PCDHGB4: variants seen among roughly 807,000 people sequenced by gnomAD.
PCDHGB4 encodes protocadherin gamma-B4.
PCDHGB4 carries 38 observed loss-of-function variants against 60.5 expected under a neutral mutation model. That is an observed-to-expected ratio of 0.63 (90% CI 0.48 to 0.82). The LOEUF is 0.82. Among genes scored for constraint, PCDHGB4 ranks in the 40% least tolerant of loss-of-function variants. PCDHGB4 has a pLI of 0.00. For missense variants in PCDHGB4, 1,109 were observed against 1,209.6 expected (o/e 0.92, Z 1.23); for synonymous variants, 456 against 509.7 (o/e 0.89, Z 1.42).
chr5:141,415,126 C>T, intron 1 of PCDHGB4: 1 of 1,613,688 alleles, frequency 6.2e-7, no homozygotes, highest in Non-Finnish European at 8.5e-7. Context: ...AGTGGCCGTC[C>T]AGGACCACGG....
intron 1 of PCDHGB4, among the ~76,000 whole-genome samples, chr5:141,438,591 CATATAT>C (rs946798767): frequency 1.2e-3 from 91 of 75,538 alleles, no homozygotes; most frequent in Non-Finnish European, 1.7e-3. Flanking sequence ...TACATACATA[CATATAT>C]ATATATATAT....
Position 141,389,538 on chromosome 5 carries a change from G to A in PCDHGB4, c.1654G>A (p.Asp552Asn), listed in dbSNP as rs772693461. Reference protein sequence around the residue: ...ANVSLRVLVDDRNDNAPRVLY... With the variant: ...ANVSLRVLVDNRNDNAPRVLY... ...CGTGAGCCTGCGCGTGTTAGTGGAC[G>A]ACCGCAACGACAATGCGCCACGGGT... is the stretch of plus-strand genomic sequence containing the variant. The change falls in exon 1 of 4, where the codon GAC becomes AAC. Residue 552 changes from aspartate (D) to asparagine (N), a missense_variant. Coordinates refer to ENST00000519479, the MANE Select transcript of PCDHGB4 (RefSeq NM_003736.4). 6.2e-7 allele frequency: 1 copy of A among 1,613,186 alleles called. No homozygotes were observed. Among genetic ancestry groups the A allele is most frequent in the Admixed American group, 1.7e-5 (1 of 60,010 alleles).
intron 1 of PCDHGB4, among the ~76,000 whole-genome samples, chr5:141,472,980 C>CAAAAAAAAAAAAAA (rs60579131): frequency 5.8e-5 from 5 of 86,102 alleles, no homozygotes; most frequent in Admixed American, 1.2e-4. Context: ...GAGTGAAACT[C>CAAAAAAAAAAAAAA]AAAAAAAAAA....
At chr5:141,457,280 A>G (rs964027392) in intron 1 of PCDHGB4, among the ~76,000 whole-genome samples, 2 of 152,196 alleles carry the variant, frequency 1.3e-5, no homozygotes, top group Admixed American at 1.3e-4. Context: ...TGGGCCTACG[A>G]AGTTCCTTGG....
At position 141,494,925 on chromosome 5, in the gene PCDHGB4, G is replaced by A. The variant is rs936071950; in HGVS notation, c.2456+60G>A. On this transcript the variant is annotated intron_variant, in intron 2 of 3. Coordinates refer to ENST00000519479, the MANE Select transcript of PCDHGB4 (RefSeq NM_003736.4). ...TGCGGCATTTTCTCAGGGATGACGT[G>A]GGAGGAGATGGGGGAGGGCCCAGCA... is the stretch of plus-strand genomic sequence containing the variant. The A allele has an allele frequency of 3.3e-4, 525 of 1,613,316 alleles. 2 individuals carry two copies. Among genetic ancestry groups the A allele is most frequent in the Admixed American group, 4.7e-4 (28 of 59,956 alleles).
Position 141,444,152 on chromosome 5 carries a change from ATTTTTTTTTTTTTTTTT to A in PCDHGB4, c.2398-50635_2398-50619del, listed in dbSNP as rs747671382. Among the ~76,000 whole-genome samples, 167 of 33,906 alleles carry A rather than the reference ATTTTTTTTTTTTTTTTT, an allele frequency of 4.9e-3. 1 individual carries two copies. The highest frequency in any genetic ancestry group is 7.0e-3 in the Non-Finnish European group (136 of 19,318). The allele number at this position is 33,906 out of a possible 152,430, so 22.2% of individuals were successfully genotyped here. A position where few individuals can be genotyped will look rare whatever the true frequency, so the allele number is the denominator to read the frequency against. On this transcript the variant is annotated intron_variant, in intron 1 of 3. Coordinates refer to ENST00000519479, the MANE Select transcript of PCDHGB4 (RefSeq NM_003736.4). ...GATATGTGTCACTTGTGTGTACTGG[ATTTTTTTTTTTTTTTTT>A]TTTTTTTTTTTTTTTTTTTGAGATG...
chr5:141,397,700 G>A (rs2093557870), intron 1 of PCDHGB4, among the ~76,000 whole-genome samples: 2 of 152,224 alleles, frequency 1.3e-5, no homozygotes, highest in Admixed American at 1.3e-4. Flanking sequence ...AAAACCCAAC[G>A]TGATATTTCT....
At chr5:141,393,168 G>T (rs1486915956) in intron 1 of PCDHGB4, 1 of 1,613,100 alleles carries the variant, frequency 6.2e-7, no homozygotes, top group Non-Finnish European at 8.5e-7. Context: ...ACTCTTTGGG[G>T]TAGAAATAGA....
chr5:141,489,458 G>A lies in PCDHGB4; in HGVS notation c.2398-5349G>A, dbSNP rs143138320. 3.5e-5 allele frequency: 56 copies of A among 1,614,042 alleles called. No homozygotes were observed. The highest frequency in any genetic ancestry group is 8.0e-5 in the African/African-American group (6 of 75,052). ...CAATTGGGCTCTGAGGAGAATGGGC[G>A]CTATTTTTCCCTGAGCTTGATGAGT... is the stretch of plus-strand genomic sequence containing the variant. On this transcript the variant is annotated intron_variant, in intron 1 of 3. Transcript: ENST00000519479. This position sits in a 1 kb window ranked among gnomAD's most constrained non-coding sequence, Gnocchi z 4.5.
rs2099417434 is a variant in PCDHGB4, at chr5:141,477,762, C to T, written c.2398-17045C>T. 1 of 1,613,968 alleles carries T rather than the reference C, an allele frequency of 6.2e-7. No homozygotes were observed. The highest frequency in any genetic ancestry group is 8.5e-7 in the Non-Finnish European group (1 of 1,180,032). On this transcript the variant is annotated intron_variant, in intron 1 of 3. Transcript: ENST00000519479. This position sits in a 1 kb window ranked among gnomAD's most constrained non-coding sequence, Gnocchi z 4.9. ...GATGGGGGCACCCCGGTCCTAGCCA[C>T]CAACATCAGCGTGAACATATTTGTC...
chr5:141,448,464 T>C lies in PCDHGB4; in HGVS notation c.2398-46343T>C, dbSNP rs186054602. Among the ~76,000 whole-genome samples the C allele has an allele frequency of 2.6e-3, 402 of 152,296 alleles. 10 individuals are homozygous for C. The highest frequency in any genetic ancestry group is 0.023 in the Admixed American group (357 of 15,282). ...CTGACTTCCATCCCTATCCTACTCCTATTCCACCCTTGCTTCCTCCTGTCC... is the reference window on the plus strand; with the variant it reads ...CTGACTTCCATCCCTATCCTACTCCCATTCCACCCTTGCTTCCTCCTGTCC... On this transcript the variant is annotated intron_variant, in intron 1 of 3. Transcript: ENST00000519479.
At chr5:141,420,061 G>A (rs376044810) in intron 1 of PCDHGB4, 3 of 1,613,958 alleles carry the variant, frequency 1.9e-6, no homozygotes, top group Non-Finnish European at 2.5e-6. Flanking sequence ...TCTGCTCCAA[G>A]TCCGGACCTG....
At chr5:141,478,496 C>G in intron 1 of PCDHGB4, 1 of 1,613,014 alleles carries the variant, frequency 6.2e-7, no homozygotes, top group Non-Finnish European at 8.5e-7. Flanking sequence ...GAGCTGTGAT[C>G]CGGTGTTCTA....
chr5:141,389,390 C>G lies in PCDHGB4; in HGVS notation c.1506C>G (p.Tyr502Ter). The G allele has an allele frequency of 2.5e-6, 4 of 1,613,718 alleles. No homozygotes were observed. Among genetic ancestry groups the G allele is most frequent in the Non-Finnish European group, 3.4e-6 (4 of 1,179,902 alleles). Residue 502 changes from tyrosine to a stop codon, truncating the protein, a stop_gained, in exon 1 of 4, where the codon TAC becomes TAG. Coordinates refer to ENST00000519479, the MANE Select transcript of PCDHGB4 (RefSeq NM_003736.4). LOFTEE classifies it high-confidence loss of function. Reference sequence around the variant, plus strand: ...TGGAGCAGCGGGAGCTGTCATCCTACGTGTCCATAAGCGCGGAGAGCGGGG... The same window carrying G: ...TGGAGCAGCGGGAGCTGTCATCCTAGGTGTCCATAAGCGCGGAGAGCGGGG... The part of the protein sequence containing the change: ...SDLEQRELSS[Y>*]VSISAESGVV...
chr5:141,402,563 T>C (rs2094279860), intron 1 of PCDHGB4, among the ~76,000 whole-genome samples: 1 of 152,232 alleles, frequency 6.6e-6, no homozygotes, highest in African/African-American at 2.4e-5. Flanking sequence ...TTCCACTTTA[T>C]TTACAACTCA....
At chr5:141,460,087 A>T (rs2098981724) in intron 1 of PCDHGB4, among the ~76,000 whole-genome samples, 1 of 152,008 alleles carries the variant, frequency 6.6e-6, no homozygotes, top group African/African-American at 2.4e-5. Flanking sequence ...AAAAAATAAT[A>T]ATTATACATG....
At chr5:141,448,948 A>AAAAC (rs1237948751) in intron 1 of PCDHGB4, among the ~76,000 whole-genome samples, 2 of 152,170 alleles carry the variant, frequency 1.3e-5, no homozygotes, top group African/African-American at 2.4e-5. Flanking sequence ...GCAACTCAAA[A>AAAAC]AAACAAACAA....
chr5:141,474,358 C>A (rs189724264), intron 1 of PCDHGB4, among the ~76,000 whole-genome samples: 30 of 152,290 alleles, frequency 2.0e-4, no homozygotes, highest in African/African-American at 6.5e-4. Context: ...AGTCATGTCT[C>A]AGTAGGTCTA....
At chr5:141,465,826 T>A (rs1402342209) in intron 1 of PCDHGB4, among the ~76,000 whole-genome samples, 1 of 151,994 alleles carries the variant, frequency 6.6e-6, no homozygotes, top group Non-Finnish European at 1.5e-5. Context: ...CACATTTGTT[T>A]AAAATTTCAA....
Sources: allele counts gnomAD v4.1 joint callset (sites outside exome capture counted in the v4.1 genomes callset), GRCh38; gene constraint gnomAD v4.1.1; non-coding constraint Gnocchi (gnomAD v3.1); transcripts MANE v1.5; gene names NCBI Gene and HGNC (gene_info 2026-07-23, HGNC 2026-07-21).